ACSM6: variants seen among roughly 807,000 people sequenced by gnomAD.
The protein encoded by ACSM6 is acyl-CoA synthetase medium chain family member 6.
Under a neutral mutation model 51.1 loss-of-function variants are expected in ACSM6, and 35 were observed. The observed-to-expected ratio is 0.69, with a 90% CI of 0.52 to 0.91. The LOEUF (loss-of-function observed/expected upper bound fraction) is 0.91. Among genes scored for constraint, ACSM6 ranks in the 40% least tolerant of loss-of-function variants. The probability of loss-of-function intolerance (pLI) is 0.00; values close to 1 mark genes in which losing one functional copy is unlikely to be tolerated. For synonymous variants in ACSM6, 172 were observed against 207.3 expected (o/e 0.83, Z 1.46); for missense variants, 509 against 584.1 (o/e 0.87, Z 1.32).
intron 8 of ACSM6, among the ~76,000 whole-genome samples, chr10:95,219,541 T>C (rs2034974631): frequency 1.3e-5 from 2 of 152,374 alleles, no homozygotes; most frequent in South Asian, 4.1e-4. Context: ...GGCTAGTTGG[T>C]AAGACTTTTG....
chr10:95,219,793 T>C (rs1564591287), intron 8 of ACSM6, 98 bp from the exon 9 acceptor site: 9 of 876,926 alleles, frequency 1.0e-5, no homozygotes, highest in Non-Finnish European at 1.6e-5. Flanking sequence ...GTAATGTTGT[T>C]CTGTTAGGAG....
chr10:95,201,134 C>G (rs2034790282), intron 2 of ACSM6, among the ~76,000 whole-genome samples: 1 of 152,316 alleles, frequency 6.6e-6, no homozygotes, highest in Admixed American at 6.5e-5. Flanking sequence ...GAGGAGGGCA[C>G]TCTTCTCTAC....
At chr10:95,217,241 G>A (rs34119978) in intron 8 of ACSM6, among the ~76,000 whole-genome samples, 11,932 of 151,918 alleles carry the variant, frequency 0.079, 589 homozygotes, top group Middle Eastern at 0.15. Flanking sequence ...CCAGCTACTC[G>A]GGAGGCTGAG....
intron 4 of ACSM6, among the ~76,000 whole-genome samples, chr10:95,208,709 T>G (rs616325): frequency 6.6e-6 from 1 of 151,998 alleles, no homozygotes; most frequent in Middle Eastern, 3.2e-3. Context: ...TTTGTTTTTG[T>G]TTTTAATCTC....
chr10:95,197,265 T>A (rs148318921), intron 2 of ACSM6, among the ~76,000 whole-genome samples: 3,571 of 151,894 alleles, frequency 0.024, 127 homozygotes, highest in African/African-American at 0.078. Context: ...GAGAAAAGAA[T>A]TAAGACACAG....
exon 4 of ACSM6, chr10:95,207,236 G>A: frequency 6.2e-7 from 1 of 1,614,106 alleles, no homozygotes; most frequent in South Asian, 1.1e-5. Flanking sequence ...GGAGCCCCCA[G>A]CTGACTGCCA....
chr10:95,197,310 G>A (rs1051317991), intron 2 of ACSM6, among the ~76,000 whole-genome samples: 10 of 152,238 alleles, frequency 6.6e-5, no homozygotes, highest in East Asian at 1.9e-4. Flanking sequence ...TGGGCCCAGG[G>A]GACCGGCACT....
At chr10:95,198,125 T>C (rs2034754611) in intron 2 of ACSM6, among the ~76,000 whole-genome samples, 2 of 152,272 alleles carry the variant, frequency 1.3e-5, no homozygotes, top group South Asian at 2.1e-4. Context: ...AGCAAAGCAA[T>C]TGTCTAAAGT....
At chr10:95,222,192 T>C (rs1013987393) in intron 9 of ACSM6, among the ~76,000 whole-genome samples, 4 of 152,192 alleles carry the variant, frequency 2.6e-5, no homozygotes, top group Admixed American at 2.6e-4. Context: ...TTTCTACATA[T>C]GGTATAAAGA....
At chr10:95,227,940 C>T (rs2035056369) in intron 10 of ACSM6, among the ~76,000 whole-genome samples, 1 of 152,012 alleles carries the variant, frequency 6.6e-6, no homozygotes, top group Non-Finnish European at 1.5e-5. Flanking sequence ...GCTTGGTGAT[C>T]GGCGCCTGTA....
chr10:95,207,100 TAAGA>T (rs2034845058), intron 3 of ACSM6, 104 bp from the exon 4 acceptor site: 1 of 1,041,698 alleles, frequency 9.6e-7, no homozygotes, highest in Admixed American at 2.1e-5. Flanking sequence ...GAGAGACTCC[TAAGA>T]GAGAGGGTAA....
intron 2 of ACSM6, among the ~76,000 whole-genome samples, chr10:95,197,351 T>C (rs1002718326): frequency 1.1e-3 from 163 of 152,082 alleles, no homozygotes; most frequent in African/African-American, 1.8e-3. Context: ...CCGGCACCGG[T>C]CTCTGAGTTC....
intron 5 of ACSM6, among the ~76,000 whole-genome samples, 193 bp downstream of exon 5, chr10:95,210,986 A>T (rs1263998469): frequency 6.6e-6 from 1 of 152,226 alleles, no homozygotes; most frequent in Non-Finnish European, 1.5e-5. Flanking sequence ...TCTAAGAGTA[A>T]GCAGGAGGGA....
At chr10:95,194,752 C>A in intron 2 of ACSM6, 75 bp downstream of exon 2, 1 of 1,338,984 alleles carries the variant, frequency 7.5e-7, no homozygotes, top group Non-Finnish European at 1.0e-6. Context: ...TCATGAGATT[C>A]ATATCCCATC....
At chr10:95,221,203 CAAAG>C (rs1457271011) in intron 9 of ACSM6, among the ~76,000 whole-genome samples, 1 of 152,014 alleles carries the variant, frequency 6.6e-6, no homozygotes, top group Non-Finnish European at 1.5e-5. Flanking sequence ...GAAAAATACA[CAAAG>C]AAATAAAATC....
At chr10:95,225,180 C>T (rs2035026445) in intron 9 of ACSM6, 110 bp from the exon 10 acceptor site, 2 of 789,646 alleles carry the variant, frequency 2.5e-6, no homozygotes, top group Non-Finnish European at 4.1e-6. Flanking sequence ...CAAGCACTTT[C>T]CTGGCATCTT....
chr10:95,216,840 T>A lies in ACSM6; in HGVS notation c.1119+1865T>A, dbSNP rs554266394. On this transcript the variant is annotated intron_variant, in intron 8 of 10. Transcript: ENST00000341686. Reference sequence around the variant, plus strand: ...GTAGAATAGTTCCTTAACCACTCAATTGATGTTCTATCTAGACACCATGTG... The same window carrying A: ...GTAGAATAGTTCCTTAACCACTCAAATGATGTTCTATCTAGACACCATGTG... Among the ~76,000 whole-genome samples, 7 of 152,278 alleles carry A rather than the reference T, an allele frequency of 4.6e-5. No homozygotes were observed. The East Asian group carries it at 1.4e-3, about 29-fold the overall frequency.
At chr10:95,215,266 A>G (rs922213224) in intron 8 of ACSM6, among the ~76,000 whole-genome samples, 7 of 152,228 alleles carry the variant, frequency 4.6e-5, no homozygotes, top group African/African-American at 1.4e-4. Context: ...ATAAGAATGA[A>G]AAAATGATGG....
Position 95,215,121 on chromosome 10 carries a change from C to A in ACSM6, c.1119+146C>A, listed in dbSNP as rs549268494. 4.5e-4 allele frequency: 408 copies of A among 898,156 alleles called. 2 individuals are homozygous for A. The highest frequency in any genetic ancestry group is 3.9e-3 in the South Asian group (207 of 53,470). The allele number at this position is 898,156 out of a possible 1,614,324, so 55.6% of individuals were successfully genotyped here. A position where few individuals can be genotyped will look rare whatever the true frequency, so the allele number is the denominator to read the frequency against. ...GAGGAAATGGCTTAAACTAGGGAGA[C>A]CCCTCTTCCATGATAAGACAAAGAA... is the stretch of plus-strand genomic sequence containing the variant. On this transcript the variant is annotated intron_variant, in intron 8 of 10. Transcript: ENST00000341686.
Sources: gnomAD v4.1 joint callset for allele counts (sites outside exome capture counted in the v4.1 genomes callset) on GRCh38, gnomAD v4.1.1 for gene constraint, MANE v1.5 for transcripts, NCBI Gene and HGNC (gene_info 2026-07-23, HGNC 2026-07-21) for gene names.